DLG2: variants seen among roughly 807,000 people sequenced by gnomAD.
The protein encoded by DLG2 is disks large homolog 2.
In DLG2, 45 loss-of-function variants were observed where a neutral mutation model predicts 132.5. The ratio of observed to expected loss-of-function variants is 0.34; its 90% CI spans 0.27 to 0.44. The LOEUF (loss-of-function observed/expected upper bound fraction) is 0.44. Among genes scored for constraint, DLG2 ranks in the 20% least tolerant of loss-of-function variants. The pLI, the probability that DLG2 is intolerant of heterozygous loss-of-function variation, is 1.00. For synonymous variants in DLG2, 424 were observed against 419.6 expected, an observed-to-expected ratio of 1.01 and a Z score of -0.13; for missense variants, 1,045 against 1,196.9, an observed-to-expected ratio of 0.87 and a Z score of 1.87.
intron 5 of DLG2, among the ~76,000 whole-genome samples, chr11:85,151,883 C>T (rs553530065): frequency 3.9e-5 from 6 of 152,234 alleles, no homozygotes; most frequent in East Asian, 3.9e-4. Flanking sequence ...TCGGAACTAA[C>T]GCTTTTAAAA....
At chr11:84,907,397 A>T (rs1402801194) in intron 6 of DLG2, among the ~76,000 whole-genome samples, 3 of 152,192 alleles carry the variant, frequency 2.0e-5, no homozygotes, top group African/African-American at 7.2e-5. Context: ...GAATAGGAAG[A>T]TTCAGGACAT....
chr11:84,086,569 A>G (rs2096985906), intron 10 of DLG2, among the ~76,000 whole-genome samples: 1 of 148,182 alleles, frequency 6.7e-6, no homozygotes, highest in Non-Finnish European at 1.5e-5. Context: ...GGCTCACTGC[A>G]GCCTTAACCT....
At chr11:84,758,658 A>G (rs538019503) in intron 6 of DLG2, among the ~76,000 whole-genome samples, 1 of 152,268 alleles carries the variant, frequency 6.6e-6, no homozygotes, top group South Asian at 2.1e-4. Context: ...ATAATATTGA[A>G]AGATGCTATT....
chr11:84,204,199 C>T (rs1025507995), intron 8 of DLG2, among the ~76,000 whole-genome samples: 4 of 152,144 alleles, frequency 2.6e-5, no homozygotes, highest in Non-Finnish European at 4.4e-5. Context: ...TCAGGTGATC[C>T]GCCCACCTCG....
At chr11:84,780,100 C>A (rs908540125) in intron 6 of DLG2, among the ~76,000 whole-genome samples, 3 of 151,948 alleles carry the variant, frequency 2.0e-5, no homozygotes, top group Non-Finnish European at 2.9e-5. Context: ...AATTATAAAC[C>A]AATTTTCCTA....
intron 6 of DLG2, among the ~76,000 whole-genome samples, chr11:84,579,851 C>T (rs769167840): frequency 6.6e-6 from 1 of 152,132 alleles, no homozygotes; most frequent in Non-Finnish European, 1.5e-5. Flanking sequence ...GAGAGAATAA[C>T]AGATGGAGGC....
chr11:83,874,599 CA>C (rs2064280062), intron 15 of DLG2, 111 bp from the exon 16 acceptor site: 1 of 660,520 alleles, frequency 1.5e-6, no homozygotes, highest in Non-Finnish European at 2.3e-6. Context: ...AGGTTAGTTA[CA>C]TATGTATACA....
intron 3 of DLG2, among the ~76,000 whole-genome samples, chr11:85,355,758 T>A (rs2083642780): frequency 6.6e-6 from 1 of 152,182 alleles, no homozygotes; most frequent in Non-Finnish European, 1.5e-5. Flanking sequence ...TATAACCATA[T>A]ATATAGGATA....
intron 7 of DLG2, among the ~76,000 whole-genome samples, chr11:84,349,913 C>T (rs2098555256): frequency 6.6e-6 from 1 of 151,956 alleles, no homozygotes; most frequent in Non-Finnish European, 1.5e-5. Flanking sequence ...CGCGGTGGCT[C>T]ACGCCTGTAA....
At chr11:83,986,563 G>A (rs2093332366) in intron 11 of DLG2, among the ~76,000 whole-genome samples, 1 of 151,352 alleles carries the variant, frequency 6.6e-6, no homozygotes, top group South Asian at 2.1e-4. Context: ...ATAGTCCTTT[G>A]GGTATATACC....
At chr11:84,639,282 T>G (rs969581605) in intron 6 of DLG2, among the ~76,000 whole-genome samples, 2 of 152,272 alleles carry the variant, frequency 1.3e-5, no homozygotes, top group East Asian at 1.9e-4. Context: ...ATTGGATGTT[T>G]TATACTGAAC....
chr11:84,745,544 C>T (rs2065251222), intron 6 of DLG2, among the ~76,000 whole-genome samples: 1 of 152,066 alleles, frequency 6.6e-6, no homozygotes, highest in Non-Finnish European at 1.5e-5. Flanking sequence ...TATAAATTAC[C>T]CAGTCTCAGG....
At chr11:84,777,255 TTGTGTGTGTATGTATA>T (rs1401817294) in intron 6 of DLG2, among the ~76,000 whole-genome samples, 17 of 139,072 alleles carry the variant, frequency 1.2e-4, no homozygotes, top group African/African-American at 4.5e-4. Flanking sequence ...ATAGTATCCA[TTGTGTGTGTATGTATA>T]TGTGTGTGTG....
chr11:84,970,384 A>C (rs1265067222), intron 6 of DLG2, among the ~76,000 whole-genome samples: 1 of 152,152 alleles, frequency 6.6e-6, no homozygotes, highest in Non-Finnish European at 1.5e-5. Context: ...TCATTCATTC[A>C]GTACATTTTT....
At chr11:84,006,691 TTC>T (rs762984191) in intron 11 of DLG2, among the ~76,000 whole-genome samples, 19 of 151,584 alleles carry the variant, frequency 1.3e-4, no homozygotes, top group Admixed American at 4.6e-4. Context: ...GCAAATTATA[TTC>T]TGTGTCATTG....
chr11:84,518,238 T>TGTTG lies in DLG2; in HGVS notation c.519+16331_519+16332insCAAC. On this transcript the variant is annotated intron_variant, in intron 7 of 27. Transcript: ENST00000376104. ...AGAGTTTAATAGGCTACTACAGATA[T>TGTTG]CACACACTGATCTTTTTGCAATGAA... Among the ~76,000 whole-genome samples the TGTTG allele has an allele frequency of 2.2e-5, 2 of 90,300 alleles. 1 individual carries two copies. Among genetic ancestry groups the TGTTG allele is most frequent in the Non-Finnish European group, 5.1e-5 (2 of 39,478 alleles). 59.2% of individuals were successfully genotyped at this position (90,300 alleles called of 152,430 possible).
rs188005871 is a variant in DLG2, at chr11:85,405,526, A to G, written c.41-120161T>C. On this transcript the variant is annotated intron_variant, in intron 3 of 27. Coordinates refer to ENST00000376104, the MANE Select transcript of DLG2 (RefSeq NM_001142699.3). ...CATGTATTTTCTGTGTATATTTAAA[A>G]ACAGTTAATGTGCACTGACTGCTTA... is the stretch of plus-strand genomic sequence containing the variant. Among the ~76,000 whole-genome samples, 536 of 152,134 alleles carry G rather than the reference A, an allele frequency of 3.5e-3. 2 individuals carry two copies. The highest frequency in any genetic ancestry group is 5.6e-3 in the Non-Finnish European group (382 of 67,954).
intron 8 of DLG2, among the ~76,000 whole-genome samples, chr11:84,172,326 T>C (rs2095844052): frequency 6.6e-6 from 1 of 152,130 alleles, no homozygotes; most frequent in South Asian, 2.1e-4. Flanking sequence ...CAATCACTGA[T>C]ATTCTTAGTT....
intron 5 of DLG2, among the ~76,000 whole-genome samples, chr11:85,127,954 T>C (rs1363426675): frequency 6.6e-6 from 1 of 152,206 alleles, no homozygotes; most frequent in East Asian, 1.9e-4. Flanking sequence ...TTATTTCCTT[T>C]CAGTAATTCT....
Sources: allele counts gnomAD v4.1 joint callset (sites outside exome capture counted in the v4.1 genomes callset), GRCh38; gene constraint gnomAD v4.1.1; transcripts MANE v1.5; gene names NCBI Gene and HGNC (gene_info 2026-07-23, HGNC 2026-07-21).